SHISA9: variants seen among roughly 807,000 people sequenced by gnomAD.
The protein encoded by SHISA9 is protein shisa-9.
Under a neutral mutation model 38.0 loss-of-function variants are expected in SHISA9, and 13 were observed. The observed-to-expected ratio is 0.34, with a 90% CI of 0.22 to 0.54. SHISA9 has a LOEUF of 0.54. Ranked by LOEUF, SHISA9 falls within the 20% of genes least tolerant of loss-of-function variation. SHISA9 has a pLI of 0.91. For synonymous variants in SHISA9, 275 were observed against 242.0 expected (o/e 1.14, Z -1.27); for missense variants, 538 against 575.8 (o/e 0.93, Z 0.67).
At chr16:13,433,134 A>G in the SHISA9 span, among the ~76,000 whole-genome samples, 2 of 151,650 alleles carry the variant, frequency 1.3e-5, no homozygotes, top group Non-Finnish European at 2.9e-5. Context: ...AATTGTGTTT[A>G]TAATAGGGAT....
downstream of SHISA9, among the ~76,000 whole-genome samples, chr16:13,244,090 G>T (rs892302243): frequency 3.3e-5 from 5 of 152,036 alleles, no homozygotes; most frequent in African/African-American, 1.2e-4. Context: ...ACAGCCATGG[G>T]CTACTATGAA....
intron 4 of SHISA9, among the ~76,000 whole-genome samples, chr16:13,223,591 A>C (rs994002760): frequency 6.6e-6 from 1 of 152,192 alleles, no homozygotes; most frequent in Non-Finnish European, 1.5e-5. Context: ...TGTAGGATTC[A>C]AAACCAACAC....
chr16:13,355,516 A>G, the SHISA9 span, among the ~76,000 whole-genome samples: 2 of 152,138 alleles, frequency 1.3e-5, no homozygotes, highest in East Asian at 3.9e-4. Flanking sequence ...GGAAGCAGAT[A>G]ATTTAGTTAA....
chr16:13,362,810 A>G, the SHISA9 span, among the ~76,000 whole-genome samples: 1 of 152,030 alleles, frequency 6.6e-6, no homozygotes, highest in Non-Finnish European at 1.5e-5. Context: ...TCTCATACAG[A>G]GCCATTTAGC....
the SHISA9 span, among the ~76,000 whole-genome samples, chr16:13,461,195 C>T: frequency 6.6e-6 from 1 of 152,228 alleles, no homozygotes; most frequent in East Asian, 1.9e-4. Flanking sequence ...TCTTGGGCAA[C>T]TCTTAGTGTC....
At chr16:13,330,935 C>T in the SHISA9 span, among the ~76,000 whole-genome samples, 2 of 152,180 alleles carry the variant, frequency 1.3e-5, no homozygotes. Context: ...TCCCTGGCCT[C>T]ATCCCTCTAA....
intron 2 of SHISA9, among the ~76,000 whole-genome samples, chr16:13,200,445 A>ACACACACACACACACACAC (rs1444256867): frequency 3.0e-5 from 3 of 100,774 alleles, no homozygotes; most frequent in African/African-American, 1.4e-4. Context: ...CACACACAGC[A>ACACACACACACACACACAC]GCAGCAGCAG....
intron 2 of SHISA9, among the ~76,000 whole-genome samples, chr16:13,084,201 C>A (rs1000954621): frequency 3.9e-5 from 6 of 152,168 alleles, no homozygotes; most frequent in African/African-American, 1.4e-4. Flanking sequence ...AATCCAAGTT[C>A]ACAGAGAGAG....
chr16:13,045,599 A>G (rs1485359578), intron 2 of SHISA9, among the ~76,000 whole-genome samples: 1 of 17,968 alleles, frequency 5.6e-5, no homozygotes, highest in Non-Finnish European at 1.7e-4. Flanking sequence ...ACAGATGATG[A>G]GGGAGAGGGA....
chr16:13,435,130 A>G, the SHISA9 span, among the ~76,000 whole-genome samples: 1 of 152,224 alleles, frequency 6.6e-6, no homozygotes, highest in African/African-American at 2.4e-5. Flanking sequence ...AGCTTCCAGG[A>G]ATATCCCAAG....
rs554151857 is a variant in SHISA9 at position 13,233,092 on chromosome 16, ATGT to A, written c.896-1934_896-1932del. Among the ~76,000 whole-genome samples, 368 of 152,308 alleles carry A rather than the reference ATGT, an allele frequency of 2.4e-3. 3 individuals are homozygous for A. The highest frequency in any genetic ancestry group is 7.9e-3 in the African/African-American group (327 of 41,568). Reference sequence around the variant, plus strand: ...TTTTGACTTTCTTCTTTGTCATGTAATGTTGTGTCAGAGTCAGATAGGAAAGTA... The same window carrying A: ...TTTTGACTTTCTTCTTTGTCATGTAATGTGTCAGAGTCAGATAGGAAAGTA... On this transcript the variant is annotated intron_variant, in intron 4 of 4. Coordinates refer to ENST00000558583, the MANE Select transcript of SHISA9 (RefSeq NM_001145204.3).
At chr16:12,959,270 A>G (rs755711473) in intron 2 of SHISA9, among the ~76,000 whole-genome samples, 2 of 152,246 alleles carry the variant, frequency 1.3e-5, no homozygotes, top group Non-Finnish European at 1.5e-5. Flanking sequence ...GGCATTGGAT[A>G]TATGTCCAGC....
chr16:13,054,946 T>G (rs1168467665), intron 2 of SHISA9, among the ~76,000 whole-genome samples: 1 of 152,234 alleles, frequency 6.6e-6, no homozygotes, highest in African/African-American at 2.4e-5. Flanking sequence ...TCCTTCAAAT[T>G]TCTACTTATA....
chr16:13,126,372 C>T (rs913508146), intron 2 of SHISA9, among the ~76,000 whole-genome samples: 4 of 151,850 alleles, frequency 2.6e-5, no homozygotes, highest in Admixed American at 2.6e-4. Flanking sequence ...CAAAGCATTG[C>T]ATAAGGTCAG....
At position 13,109,795 on chromosome 16, in the gene SHISA9, T is replaced by C. The variant is rs148445692; in HGVS notation, c.692-93599T>C. Among the ~76,000 whole-genome samples, 707 of 152,312 alleles carry C rather than the reference T, an allele frequency of 4.6e-3. 3 individuals are homozygous for C. Among genetic ancestry groups the C allele is most frequent in the African/African-American group, 0.017 (687 of 41,574 alleles). Reference sequence around the variant, plus strand: ...GTGATCTTCTATGTCTGGCTTCCTTTACTTAGCATGTTTTTGAGGTTCATC... The same window carrying C: ...GTGATCTTCTATGTCTGGCTTCCTTCACTTAGCATGTTTTTGAGGTTCATC... On this transcript the variant is annotated intron_variant, in intron 2 of 4. Transcript: ENST00000558583.
the SHISA9 span, among the ~76,000 whole-genome samples, chr16:13,448,514 G>C: frequency 2.7e-3 from 406 of 152,312 alleles, no homozygotes; most frequent in Non-Finnish European, 4.7e-3. Context: ...TGAGATAAGA[G>C]GTGAACGGAC....
At chr16:13,134,518 GA>G (rs2050331727) in intron 2 of SHISA9, among the ~76,000 whole-genome samples, 2 of 152,092 alleles carry the variant, frequency 1.3e-5, no homozygotes, top group Admixed American at 1.3e-4. Flanking sequence ...GAGAATATTT[GA>G]GTTAAATCTT....
the SHISA9 span, among the ~76,000 whole-genome samples, chr16:13,259,263 AT>A: frequency 6.6e-6 from 1 of 152,242 alleles, no homozygotes; most frequent in Non-Finnish European, 1.5e-5. Flanking sequence ...CATCCAGTTC[AT>A]GCTGATGCAA....
chr16:13,135,701 A>C (rs1319994986), intron 2 of SHISA9, among the ~76,000 whole-genome samples: 1 of 152,198 alleles, frequency 6.6e-6, no homozygotes, highest in Admixed American at 6.5e-5. Context: ...ACCTTATTAT[A>C]ATAGTAATAA....
Sources: gnomAD v4.1 joint callset for allele counts (sites outside exome capture counted in the v4.1 genomes callset) on GRCh38, gnomAD v4.1.1 for gene constraint, MANE v1.5 for transcripts, NCBI Gene and HGNC (gene_info 2026-07-23, HGNC 2026-07-21) for gene names.